The following CCBE1 variants were observed in gnomAD, a reference collection of about 807,000 sequenced individuals.
The protein encoded by CCBE1 is collagen and calcium-binding EGF domain-containing protein 1.
CCBE1 carries 37 observed loss-of-function variants against 50.0 expected under a neutral mutation model. That is an observed-to-expected ratio of 0.74 (90% CI 0.57 to 0.97). The LOEUF (loss-of-function observed/expected upper bound fraction) is 0.97, where lower values mean the gene tolerates loss of function less well. Among genes scored for constraint, CCBE1 ranks in the 50% least tolerant of loss-of-function variants. The pLI, the probability that CCBE1 is intolerant of heterozygous loss-of-function variation, is 0.00. For missense variants in CCBE1, 538 were observed against 523.8 expected (o/e 1.03, Z -0.26); for synonymous variants, 234 against 203.7 (o/e 1.15, Z -1.27).
At chr18:59,500,186 C>T (rs1913550900) in intron 2 of CCBE1, among the ~76,000 whole-genome samples, 1 of 152,176 alleles carries the variant, frequency 6.6e-6, no homozygotes, top group South Asian at 2.1e-4. Context: ...TTCTACTCTG[C>T]AGTTGTGTTG....
intron 2 of CCBE1, among the ~76,000 whole-genome samples, chr18:59,486,532 G>A (rs652877): frequency 0.86 from 131,075 of 152,208 alleles, 56,505 homozygotes; most frequent in East Asian, 0.96. Context: ...GATTTAGGAG[G>A]CTTCTCTAAC....
rs927769779 is a variant in CCBE1 at position 59,599,065 on chromosome 18, C to T, written c.212+97564G>A. ...CTGCTACTTTTCCTCCTCCCTTCTTCGTTAATCAACCCACCTTTCTTCTTC... is the reference window on the plus strand; with the variant it reads ...CTGCTACTTTTCCTCCTCCCTTCTTTGTTAATCAACCCACCTTTCTTCTTC... On this transcript the variant is annotated intron_variant, in intron 2 of 10. Coordinates refer to ENST00000439986, the MANE Select transcript of CCBE1 (RefSeq NM_133459.4). Among the ~76,000 whole-genome samples, 8 of 152,284 alleles carry T rather than the reference C, an allele frequency of 5.3e-5. No homozygotes were observed. In the East Asian group the frequency reaches 1.2e-3, roughly 22 times the overall value.
At chr18:59,444,734 T>C (rs922083710) in intron 7 of CCBE1, among the ~76,000 whole-genome samples, 1 of 152,136 alleles carries the variant, frequency 6.6e-6, no homozygotes, top group Non-Finnish European at 1.5e-5. Flanking sequence ...TTTTCAAAAA[T>C]AGTGGCCATC....
intron 2 of CCBE1, among the ~76,000 whole-genome samples, chr18:59,480,671 T>C (rs948671053): frequency 6.6e-6 from 1 of 152,144 alleles, no homozygotes. Flanking sequence ...ATAATGATTG[T>C]TAATTGTAAT....
intron 2 of CCBE1, among the ~76,000 whole-genome samples, chr18:59,631,994 C>T (rs2053855020): frequency 6.6e-6 from 1 of 152,226 alleles, no homozygotes; most frequent in Non-Finnish European, 1.5e-5. Context: ...AAATCCAACA[C>T]AGATGTCCTT....
At chr18:59,437,750 A>G (rs926478134) in intron 10 of CCBE1, among the ~76,000 whole-genome samples, 1 of 152,198 alleles carries the variant, frequency 6.6e-6, no homozygotes, top group African/African-American at 2.4e-5. Context: ...TAAATTCTCA[A>G]GTACGCAGAG....
intron 2 of CCBE1, among the ~76,000 whole-genome samples, chr18:59,534,614 A>G (rs77735586): frequency 0.02 from 2,995 of 152,316 alleles, 111 homozygotes; most frequent in African/African-American, 0.068. Flanking sequence ...TAGAAATGCA[A>G]AAGTTTTGGC....
At chr18:59,472,148 A>G (rs553708766) in intron 3 of CCBE1, among the ~76,000 whole-genome samples, 1 of 152,320 alleles carries the variant, frequency 6.6e-6, no homozygotes, top group South Asian at 2.1e-4. Flanking sequence ...ATCCACTAGT[A>G]ACTTCCTCTG....
intron 2 of CCBE1, among the ~76,000 whole-genome samples, chr18:59,652,503 A>G (rs2054139129): frequency 6.6e-6 from 1 of 151,866 alleles, no homozygotes; most frequent in African/African-American, 2.4e-5. Context: ...TGTAAACTCC[A>G]TAGCCTAGAA....
intron 3 of CCBE1, among the ~76,000 whole-genome samples, chr18:59,476,005 A>G (rs536034561): frequency 6.6e-6 from 1 of 152,346 alleles, no homozygotes; most frequent in South Asian, 2.1e-4. Context: ...GGCGTGAGCC[A>G]CTGCGGCTGG....
chr18:59,503,263 C>T (rs1913710532), intron 2 of CCBE1, among the ~76,000 whole-genome samples: 1 of 152,228 alleles, frequency 6.6e-6, no homozygotes, highest in East Asian at 1.9e-4. Context: ...CGCTGGACAT[C>T]AGGATACCTG....
chr18:59,475,251 G>T (rs1912251207), intron 3 of CCBE1, among the ~76,000 whole-genome samples: 2 of 152,130 alleles, frequency 1.3e-5, no homozygotes, highest in African/African-American at 4.8e-5. Flanking sequence ...ACCATCCCAA[G>T]ATTAAATCCA....
intron 2 of CCBE1, among the ~76,000 whole-genome samples, chr18:59,555,815 A>C (rs2052647325): frequency 6.6e-6 from 1 of 152,238 alleles, no homozygotes; most frequent in Non-Finnish European, 1.5e-5. Context: ...TATTGCATAA[A>C]AGAAGGTCAA....
intron 7 of CCBE1, among the ~76,000 whole-genome samples, chr18:59,443,189 A>C (rs901573115): frequency 2.0e-5 from 3 of 152,186 alleles, no homozygotes; most frequent in Admixed American, 6.5e-5. Flanking sequence ...CCCACAACAC[A>C]GAGAGTTGTA....
chr18:59,466,593 T>A, intron 5 of CCBE1, 146 bp downstream of exon 5: 1 of 342,874 alleles, frequency 2.9e-6, no homozygotes. Flanking sequence ...ACATTGTATA[T>A]AAAATTACAT....
intron 2 of CCBE1, among the ~76,000 whole-genome samples, chr18:59,664,881 A>G (rs2054332105): frequency 6.6e-6 from 1 of 152,228 alleles, no homozygotes; most frequent in South Asian, 2.1e-4. Context: ...TGTCTCAGGC[A>G]AATCAGGACA....
intron 2 of CCBE1, among the ~76,000 whole-genome samples, chr18:59,559,162 T>A (rs552591306): frequency 1.3e-5 from 2 of 152,014 alleles, no homozygotes; most frequent in African/African-American, 4.8e-5. Flanking sequence ...TGGGAGGCAG[T>A]AGATGGGGTC....
At chr18:59,481,511 A>G (rs932082661) in intron 2 of CCBE1, among the ~76,000 whole-genome samples, 7 of 152,332 alleles carry the variant, frequency 4.6e-5, no homozygotes, top group African/African-American at 1.4e-4. Context: ...CACATACACA[A>G]AATGCCTAGA....
chr18:59,560,092 C>T (rs943905113), intron 2 of CCBE1, among the ~76,000 whole-genome samples: 4 of 152,216 alleles, frequency 2.6e-5, no homozygotes, highest in African/African-American at 9.6e-5. Context: ...CCCCTCTTGC[C>T]TGGGAGTTGG....
Sources: allele counts gnomAD v4.1 joint callset (sites outside exome capture counted in the v4.1 genomes callset), GRCh38; gene constraint gnomAD v4.1.1; transcripts MANE v1.5; gene names NCBI Gene and HGNC (gene_info 2026-07-23, HGNC 2026-07-21).